Variants in JMJD1C observed in about 807,000 individuals in gnomAD.
JMJD1C encodes jumonji domain-containing protein 1C.
A neutral mutation model predicts 245.3 loss-of-function variants in JMJD1C; 31 were observed. The ratio of observed to expected loss-of-function variants is 0.13; its 90% confidence interval spans 0.09 to 0.17. The LOEUF (loss-of-function observed/expected upper bound fraction) is 0.17, where lower values mean the gene tolerates loss of function less well. Ranked by LOEUF, JMJD1C falls within the 10% of genes least tolerant of loss-of-function variation. The probability of loss-of-function intolerance (pLI) is 1.00; values close to 1 mark genes in which losing one functional copy is unlikely to be tolerated. For missense variants in JMJD1C, 2,691 were observed against 3,000.2 expected, an observed-to-expected ratio of 0.90 and a Z score of 2.41; for synonymous variants, 1,057 against 1,017.4, an observed-to-expected ratio of 1.04 and a Z score of -0.74.
intron 3 of JMJD1C, among the ~76,000 whole-genome samples, chr10:63,233,599 A>T (rs572655136): frequency 1.3e-5 from 2 of 152,176 alleles, no homozygotes; most frequent in East Asian, 3.9e-4. Context: ...CTACTTAAGC[A>T]ATGGGATACA....
intron 1 of JMJD1C, among the ~76,000 whole-genome samples, chr10:63,488,642 G>A (rs1954073111): frequency 6.6e-6 from 1 of 152,038 alleles, no homozygotes; most frequent in Non-Finnish European, 1.5e-5. Flanking sequence ...TAAAAAGACA[G>A]CAATAAAGAG....
At chr10:63,275,023 C>T (rs1564720754) in intron 2 of JMJD1C, among the ~76,000 whole-genome samples, 1 of 152,070 alleles carries the variant, frequency 6.6e-6, no homozygotes, top group Non-Finnish European at 1.5e-5. Flanking sequence ...TTGCAAGATG[C>T]TGTCTCTAAA....
intron 1 of JMJD1C, among the ~76,000 whole-genome samples, chr10:63,402,399 A>T (rs1002498431): frequency 1.3e-5 from 2 of 152,174 alleles, no homozygotes; most frequent in African/African-American, 4.8e-5. Flanking sequence ...TTGAGTGAAT[A>T]AATGAAATTG....
intron 1 of JMJD1C, among the ~76,000 whole-genome samples, chr10:63,402,092 C>T (rs985509209): frequency 2.7e-5 from 4 of 149,614 alleles, no homozygotes; most frequent in African/African-American, 7.3e-5. Context: ...CCAGATAGCG[C>T]CATTGCACTC....
In JMJD1C at chr10:63,177,872, A is replaced by G. The variant is rs1488289103; in HGVS notation, c.7085-16T>C. The G allele has an allele frequency of 3.7e-6, 6 of 1,610,226 alleles. No individual in the cohort carries two copies. The African/African-American group carries it at 4.0e-5, about 11-fold the overall frequency. On this transcript the variant is annotated splice_polypyrimidine_tract_variant and intron_variant, in intron 22 of 25. Coordinates refer to ENST00000399262, the MANE Select transcript of JMJD1C (RefSeq NM_032776.3). ...TTGAGAATTCCTGAAACAAAGGAAC[A>G]TAATTTCAAATTGTCGGCAAAGAAT...
chr10:63,454,375 A>G (rs1952270277), intron 1 of JMJD1C, among the ~76,000 whole-genome samples: 1 of 151,526 alleles, frequency 6.6e-6, no homozygotes, highest in African/African-American at 2.4e-5. Context: ...CTCATGCCTC[A>G]GCCTCCAGAG....
chr10:63,471,945 G>A (rs918498409), intron 1 of JMJD1C, among the ~76,000 whole-genome samples: 2 of 152,108 alleles, frequency 1.3e-5, no homozygotes, highest in African/African-American at 4.8e-5. Flanking sequence ...GGCTAAGGGA[G>A]GGGAATCACT....
At chr10:63,173,363 A>C (rs919569331) in intron 24 of JMJD1C, among the ~76,000 whole-genome samples, 1 of 152,210 alleles carries the variant, frequency 6.6e-6, no homozygotes, top group Non-Finnish European at 1.5e-5. Context: ...GCTAGGCAAC[A>C]ATTTTGTAGA....
chr10:63,277,083 GTGTT>G, intron 2 of JMJD1C, among the ~76,000 whole-genome samples: 1 of 151,494 alleles, frequency 6.6e-6, no homozygotes, highest in East Asian at 2.0e-4. Flanking sequence ...GGGTTTCACC[GTGTT>G]AGCCAGGATG....
chr10:63,505,089 G>A (rs546207554), intron 1 of JMJD1C, among the ~76,000 whole-genome samples: 1 of 152,296 alleles, frequency 6.6e-6, no homozygotes, highest in Admixed American at 6.5e-5. Flanking sequence ...TAGGCAGGCG[G>A]ATCACGAGGT....
At chr10:63,238,916 T>C (rs1440851977) in intron 3 of JMJD1C, among the ~76,000 whole-genome samples, 1 of 152,220 alleles carries the variant, frequency 6.6e-6, no homozygotes, top group African/African-American at 2.4e-5. Flanking sequence ...TCAAGGATCT[T>C]ACAATCCAGT....
In JMJD1C at chr10:63,465,952, G is replaced by A. The variant is rs555208398; in HGVS notation, c.-290C>T. The A allele has an allele frequency of 8.4e-5, 44 of 525,002 alleles. No homozygotes were observed. The highest frequency in any genetic ancestry group is 8.4e-4 in the South Asian group (44 of 52,644). The allele number at this position is 525,002 out of a possible 1,614,324, so 32.5% of individuals were successfully genotyped here. ...TCGAAGACCCCGAGGCAGCCCAGCC[G>A]CCGCCACCGCGCCGCGGCCAGTACT... On this transcript the variant is annotated 5_prime_UTR_variant, in exon 1 of 26. Transcript: ENST00000399262.
intron 9 of JMJD1C, 57 bp from the exon 10 acceptor site, chr10:63,208,858 A>ATTTC: frequency 7.3e-7 from 1 of 1,369,356 alleles, no homozygotes; most frequent in Non-Finnish European, 9.9e-7. Flanking sequence ...AAATACAAAG[A>ATTTC]CAGCTTCTAT....
At chr10:63,230,511 A>G (rs1297809524) in intron 3 of JMJD1C, among the ~76,000 whole-genome samples, 1 of 152,206 alleles carries the variant, frequency 6.6e-6, no homozygotes, top group African/African-American at 2.4e-5. Flanking sequence ...CACAAACATA[A>G]GAGCTAAATG....
chr10:63,509,321 TTTGC>T (rs2133277964), intron 1 of JMJD1C, among the ~76,000 whole-genome samples: 2 of 152,366 alleles, frequency 1.3e-5, no homozygotes, highest in South Asian at 4.1e-4. Flanking sequence ...TTGGATCAAA[TTTGC>T]TAATTTTGTG....
chr10:63,376,926 T>C (rs1025884420), intron 2 of JMJD1C, among the ~76,000 whole-genome samples: 11 of 152,222 alleles, frequency 7.2e-5, no homozygotes, highest in African/African-American at 2.7e-4. Context: ...CCTGGGTATA[T>C]ACCCAAATAG....
rs1388959801 is a variant in JMJD1C at position 63,407,834 on chromosome 10, GA to G, written c.169-27353del. Among the ~76,000 whole-genome samples the G allele has an allele frequency of 3.5e-5, 5 of 144,800 alleles. No homozygotes were observed. In the South Asian group the frequency reaches 6.6e-4, roughly 19 times the overall value. The allele number at this position is 144,800 out of a possible 152,430, so 95.0% of individuals were successfully genotyped here. A position where few individuals can be genotyped will look rare whatever the true frequency, so the allele number is the denominator to read the frequency against. On this transcript the variant is annotated intron_variant, in intron 1 of 25. Transcript: ENST00000399262. ...GGAGAAACAAACAAAAAAAAAAACAGAAAAAAATCTTTAGCAAATTAAATTA... is the reference window on the plus strand; with the variant it reads ...GGAGAAACAAACAAAAAAAAAAACAGAAAAAATCTTTAGCAAATTAAATTA...
Position 63,396,253 on chromosome 10 carries a change from G to GT in JMJD1C, c.169-15772_169-15771insA, listed in dbSNP as rs533066496. 6.5e-3 allele frequency among the ~76,000 whole-genome samples: 985 copies of GT among 152,224 alleles called. 7 individuals are homozygous for GT. The highest frequency in any genetic ancestry group is 0.022 in the South Asian group (107 of 4,824). On this transcript the variant is annotated intron_variant, in intron 1 of 25. Coordinates refer to ENST00000399262, the MANE Select transcript of JMJD1C (RefSeq NM_032776.3). ...CACGTGCCTTTTATGTTAAAGGGTAGAAGAATGAGACAATAATCTCGAACA... is the reference window on the plus strand; with the variant it reads ...CACGTGCCTTTTATGTTAAAGGGTAGTAAGAATGAGACAATAATCTCGAACA...
rs371070678 is a variant in JMJD1C, at chr10:63,168,047, A to C, written c.7621T>G (p.Ter2541GluextTer2). Residue 2541 changes from the stop codon to glutamate (E), a stop_lost, in exon 26 of 26, where the codon TAA becomes GAA. Transcript: ENST00000399262. ...AAAAATATCAAACTGGATCACACTT[A>C]ATTTTCTTCCATATCCTCTACTTCA... ...EDEVEDMEEN[*>E] 4.9e-5 allele frequency: 76 copies of C among 1,552,678 alleles called. No homozygotes were observed. Among genetic ancestry groups the C allele is most frequent in the Non-Finnish European group, 6.0e-5 (67 of 1,124,884 alleles).
Sources: allele counts gnomAD v4.1 joint callset (sites outside exome capture counted in the v4.1 genomes callset), GRCh38; gene constraint gnomAD v4.1.1; transcripts MANE v1.5; gene names NCBI Gene and HGNC (gene_info 2026-07-23, HGNC 2026-07-21).